Variants in POU6F2 observed in about 807,000 individuals in gnomAD.
POU6F2 encodes the protein POU class 6 homeobox 2, also known as POU domain, class 6, transcription factor 2.
Under a neutral mutation model 71.3 loss-of-function variants are expected in POU6F2, and 31 were observed. The ratio of observed to expected loss-of-function variants is 0.43; its 90% CI spans 0.33 to 0.59. The LOEUF (loss-of-function observed/expected upper bound fraction) is 0.59, where lower values mean the gene tolerates loss of function less well. Among genes scored for constraint, POU6F2 ranks in the 20% least tolerant of loss-of-function variants. POU6F2 has a pLI of 0.04. For missense variants in POU6F2, 783 were observed against 856.8 expected, an observed-to-expected ratio of 0.91 and a Z score of 1.07; for synonymous variants, 347 against 355.7, an observed-to-expected ratio of 0.98 and a Z score of 0.27.
intron 4 of POU6F2, among the ~76,000 whole-genome samples, chr7:39,278,070 T>G (rs1784485638): frequency 9.0e-6 from 1 of 110,586 alleles, no homozygotes; most frequent in Non-Finnish European, 1.7e-5. Context: ...GAGACTCCGT[T>G]GAAAGAAAGC....
Position 39,083,163 on chromosome 7 carries a change from A to C in POU6F2, c.106-2697A>C, listed in dbSNP as rs888947368. 3.9e-5 allele frequency among the ~76,000 whole-genome samples: 6 copies of C among 152,198 alleles called. No homozygotes were observed. In the South Asian group the frequency reaches 1.2e-3, roughly 32 times the overall value. On this transcript the variant is annotated intron_variant, in intron 1 of 9. Transcript: ENST00000518318. ...TTCGGGATTCAGTTTGACCCTTCAC[A>C]AATAAGGCAAGAGTAGAATATTCTT...
chr7:39,010,218 T>A (rs1318389799), intron 1 of POU6F2, among the ~76,000 whole-genome samples: 4 of 135,646 alleles, frequency 2.9e-5, no homozygotes, highest in African/African-American at 1.0e-4. Flanking sequence ...ATTGGTCTAT[T>A]CAGAGATTCA....
In POU6F2 at chr7:39,451,665, T is replaced by C. The variant is rs1268681819; in HGVS notation, c.1453T>C (p.Ser485Pro). 2 of 1,609,324 alleles carry C rather than the reference T, an allele frequency of 1.2e-6. No individual in the cohort carries two copies. The highest frequency in any genetic ancestry group is 2.2e-5 in the South Asian group (2 of 89,786). ...QASSSSSSSS[S>P]SSALSVGQLV... is the part of the protein sequence containing the mutation. ...TTCCTCTTCTTCCTCCTCATCCTCC[T>C]CTTCTTCAGCTTTGAGCGTGGGCCA... Residue 485 changes from serine (S) to proline (P), a missense_variant, in exon 8 of 10, where the codon TCT becomes CCT. This residue lies in a region of POU6F2 where 572 missense variants were observed against 572.9 expected (regional missense o/e 1.00). Transcript: ENST00000518318.
intron 4 of POU6F2, among the ~76,000 whole-genome samples, chr7:39,265,000 G>A (rs11972970): frequency 0.056 from 8,512 of 152,236 alleles, 454 homozygotes; most frequent in African/African-American, 0.13. Context: ...AGGTTGTTAG[G>A]CCTTGAGCTG....
chr7:39,130,003 C>T (rs565440284), intron 2 of POU6F2, among the ~76,000 whole-genome samples: 2 of 144,558 alleles, frequency 1.4e-5, no homozygotes, highest in East Asian at 2.1e-4. Flanking sequence ...GGAGGTGGAG[C>T]TTGCAGCGAG....
At chr7:39,342,689 G>A (rs1474274011) in intron 5 of POU6F2, among the ~76,000 whole-genome samples, 1 of 152,096 alleles carries the variant, frequency 6.6e-6, no homozygotes, top group Non-Finnish European at 1.5e-5. Flanking sequence ...AATGTAAGTA[G>A]GTTGTGTGTT....
At chr7:39,157,531 T>C (rs1792897395) in intron 2 of POU6F2, among the ~76,000 whole-genome samples, 1 of 152,174 alleles carries the variant, frequency 6.6e-6, no homozygotes, top group Admixed American at 6.5e-5. Context: ...GCTGAGTGTA[T>C]AGGGAATTGT....
chr7:39,213,660 T>C (rs914943300), intron 4 of POU6F2, among the ~76,000 whole-genome samples: 2 of 152,244 alleles, frequency 1.3e-5, no homozygotes, highest in Non-Finnish European at 2.9e-5. Context: ...CTTTTCTCAT[T>C]CGGCATAATG....
At chr7:39,086,061 A>T (rs1309539242) in intron 2 of POU6F2, 30 bp downstream of exon 2, 1 of 1,605,166 alleles carries the variant, frequency 6.2e-7, no homozygotes, top group Admixed American at 1.7e-5. Context: ...TCATTTCAGT[A>T]CTACCATGTT....
At chr7:39,419,127 A>G (rs1169702532) in intron 6 of POU6F2, among the ~76,000 whole-genome samples, 1 of 136,666 alleles carries the variant, frequency 7.3e-6, no homozygotes, top group Admixed American at 7.1e-5. Flanking sequence ...ATATGTGTAT[A>G]TATACACATA....
intron 1 of POU6F2, among the ~76,000 whole-genome samples, chr7:39,080,983 TCTC>T (rs1791108029): frequency 6.6e-6 from 1 of 152,178 alleles, no homozygotes; most frequent in South Asian, 2.1e-4. Flanking sequence ...CAAGATGAAT[TCTC>T]CTTCTTAATA....
intron 4 of POU6F2, among the ~76,000 whole-genome samples, chr7:39,308,148 A>G (rs1345346968): frequency 6.6e-6 from 1 of 152,144 alleles, no homozygotes; most frequent in Non-Finnish European, 1.5e-5. Flanking sequence ...TTTCACAGTA[A>G]CTCAGCTATT....
chr7:39,093,459 G>A (rs1480657402), intron 2 of POU6F2, among the ~76,000 whole-genome samples: 1 of 151,954 alleles, frequency 6.6e-6, no homozygotes, highest in Non-Finnish European at 1.5e-5. Flanking sequence ...GTATTTTTAG[G>A]ATACTTATGA....
chr7:39,389,780 A>T lies in POU6F2; in HGVS notation c.973-16820A>T, dbSNP rs77215424. On this transcript the variant is annotated intron_variant, in intron 5 of 9. Coordinates refer to ENST00000518318, the MANE Select transcript of POU6F2 (RefSeq NM_001370959.1). ...TAACAATTATATTAAGGCACAAATG[A>T]ATAGAAAATAATGAAAAGTATTACT... Among the ~76,000 whole-genome samples the T allele has an allele frequency of 6.2e-3, 950 of 152,304 alleles. 4 individuals carry two copies. Among genetic ancestry groups the T allele is most frequent in the African/African-American group, 0.021 (881 of 41,566 alleles).
Position 39,087,499 on chromosome 7 carries a change from AT to A in POU6F2, c.277+1474del, listed in dbSNP as rs554749616. 8.5e-5 allele frequency among the ~76,000 whole-genome samples: 13 copies of A among 152,206 alleles called. No homozygotes were observed. The South Asian group carries it at 2.7e-3, about 32-fold the overall frequency. On this transcript the variant is annotated intron_variant, in intron 2 of 9. Coordinates refer to ENST00000518318, the MANE Select transcript of POU6F2 (RefSeq NM_001370959.1). ...TTTAGCATTTTCACCCTAAAGAAATATTTTTTATAGTGTAAGTTTTTATCCA... is the reference window on the plus strand; with the variant it reads ...TTTAGCATTTTCACCCTAAAGAAATATTTTTATAGTGTAAGTTTTTATCCA...
intron 1 of POU6F2, among the ~76,000 whole-genome samples, chr7:38,983,645 G>A (rs1788384860): frequency 6.6e-6 from 1 of 151,758 alleles, no homozygotes; most frequent in East Asian, 1.9e-4. Context: ...TTATTTTCTT[G>A]TTCTTCCCAG....
At chr7:39,271,740 CT>C (rs1784344219) in intron 4 of POU6F2, among the ~76,000 whole-genome samples, 1 of 152,180 alleles carries the variant, frequency 6.6e-6, no homozygotes, top group Non-Finnish European at 1.5e-5. Flanking sequence ...CAAACATTAT[CT>C]CTGCCAGGAG....
At chr7:39,443,935 A>G (rs1271543577) in intron 7 of POU6F2, among the ~76,000 whole-genome samples, 1 of 152,242 alleles carries the variant, frequency 6.6e-6, no homozygotes, top group Non-Finnish European at 1.5e-5. Flanking sequence ...TTACAGGAAC[A>G]TAGAGTTCCC....
chr7:39,444,766 G>A (rs1788484737), intron 7 of POU6F2, among the ~76,000 whole-genome samples: 1 of 152,170 alleles, frequency 6.6e-6, no homozygotes, highest in African/African-American at 2.4e-5. Flanking sequence ...CTCTTCAGAG[G>A]CCCTGTTTTC....
Sources: gnomAD v4.1 joint callset for allele counts (sites outside exome capture counted in the v4.1 genomes callset) on GRCh38, gnomAD v4.1.1 for gene constraint, gnomAD v4.1.1 regional missense constraint, MANE v1.5 for transcripts, NCBI Gene and HGNC (gene_info 2026-07-23, HGNC 2026-07-21) for gene names.